PHKA2: variants seen among roughly 807,000 people sequenced by gnomAD.
PHKA2 encodes the protein phosphorylase kinase regulatory subunit alpha 2.
A neutral mutation model predicts 102.0 loss-of-function variants in PHKA2; 31 were observed. The ratio of observed to expected loss-of-function variants is 0.30; its 90% CI spans 0.23 to 0.41. The LOEUF (loss-of-function observed/expected upper bound fraction) is 0.41. Ranked by LOEUF, PHKA2 falls within the 10% of genes least tolerant of loss-of-function variation. The pLI is 1.00. For missense variants in PHKA2, 858 were observed against 1,023.1 expected (o/e 0.84, Z 2.20); for synonymous variants, 455 against 416.2 (o/e 1.09, Z -1.13).
chrX:18,901,690 CA>C (rs2047684947), intron 26 of PHKA2, 87 bp from the exon 27 acceptor site: 4 of 614,053 alleles, frequency 6.5e-6, no homozygotes, highest in African/African-American at 4.3e-5. Flanking sequence ...CCCCACTTGA[CA>C]ATGAGGGCCT....
chrX:18,978,069 A>T (rs914682245), intron 1 of PHKA2, among the ~76,000 whole-genome samples: 1 of 111,060 alleles, frequency 9.0e-6, no homozygotes, highest in South Asian at 3.8e-4. Flanking sequence ...AGGCAGGAGA[A>T]TTGCTTGAAC....
chrX:18,979,468 T>G (rs1448365235), intron 1 of PHKA2, among the ~76,000 whole-genome samples: 1 of 111,975 alleles, frequency 8.9e-6, no homozygotes, highest in African/African-American at 3.2e-5. Flanking sequence ...ATTTCATACT[T>G]AATACTTTTA....
At chrX:18,931,223 G>C (rs2048309888) in intron 12 of PHKA2, among the ~76,000 whole-genome samples, 1 of 112,246 alleles carries the variant, frequency 8.9e-6, no homozygotes, top group African/African-American at 3.2e-5. Context: ...TCTTTCTGTA[G>C]AGATCTGTGG....
At chrX:18,947,875 T>A (rs1224078807) in intron 5 of PHKA2, among the ~76,000 whole-genome samples, 1 of 112,038 alleles carries the variant, frequency 8.9e-6, no homozygotes, top group Non-Finnish European at 1.9e-5. Context: ...CTGGAGACTG[T>A]TATTCTAAGT....
Position 18,910,906 on chromosome X carries a change from T to G in PHKA2, c.2192A>C (p.Asn731Thr), listed in dbSNP as rs1426078397. 8.4e-7 allele frequency: 1 copy of G among 1,194,397 alleles called. No homozygotes were observed. Among genetic ancestry groups the G allele is most frequent in the Admixed American group, 2.2e-5 (1 of 45,734 alleles). ...KVLSAHRKSL[N>T]LVDSPQPLLE... is the part of the protein sequence containing the mutation. ...GAGTGGCTGAGGAGAATCAACAAGA[T>G]TCAGTGATTTACGGTGGGCACTTAG... Residue 731 changes from asparagine to threonine, a missense_variant, in exon 20 of 33, where the codon AAT (asparagine) becomes ACT (threonine). Physicochemically the swap from Asn to Thr is moderately conservative, Grantham distance 65. Around this residue, in one of 2 missense-constraint regions of PHKA2, gnomAD observed 671 missense variants for 745.2 expected, o/e 0.90. Transcript: ENST00000379942.
At chrX:18,902,073 C>T (rs1266723621) in intron 26 of PHKA2, among the ~76,000 whole-genome samples, 1 of 111,168 alleles carries the variant, frequency 9.0e-6, no homozygotes, top group East Asian at 2.8e-4. Flanking sequence ...AAACTCCTGA[C>T]CTTGTGATCC....
chrX:18,947,026 G>T (rs1244892288), intron 5 of PHKA2, among the ~76,000 whole-genome samples: 3 of 111,086 alleles, frequency 2.7e-5, no homozygotes, highest in Non-Finnish European at 5.7e-5. Context: ...ATTGCCTCTC[G>T]TTGGGAATCA....
In PHKA2 at chrX:18,938,710, G is replaced by A; in HGVS notation, c.958C>T (p.Leu320Phe). 8.3e-7 allele frequency: 1 copy of A among 1,204,934 alleles called. No individual in the cohort carries two copies. The highest frequency in any genetic ancestry group is 1.1e-6 in the Non-Finnish European group (1 of 889,056). Residue 320 changes from leucine to phenylalanine, a missense_variant, in exon 10 of 33, where the codon CTC becomes TTC. Physicochemically the swap from Leu to Phe is conservative, Grantham distance 22. Around this residue, in one of 2 missense-constraint regions of PHKA2, gnomAD observed 187 missense variants for 277.9 expected, o/e 0.67. Transcript: ENST00000379942. Reference protein sequence around the residue: ...RLHYDPAELKLFENIECEWPV... With the variant: ...RLHYDPAELKFFENIECEWPV... ...CACTCACATTCAATGTTTTCGAAGA[G>A]CTTGAGTTCAGCAGGGTCATAATGC... is the stretch of plus-strand genomic sequence containing the variant.
At chrX:18,916,590 G>C (rs1433666995) in intron 19 of PHKA2, among the ~76,000 whole-genome samples, 2 of 112,023 alleles carry the variant, frequency 1.8e-5, no homozygotes, top group Non-Finnish European at 3.8e-5. Context: ...CATCCCCTTG[G>C]TGATAAGTGA....
chrX:18,904,990 C>T (rs1230830019), intron 26 of PHKA2, among the ~76,000 whole-genome samples: 4 of 111,368 alleles, frequency 3.6e-5, no homozygotes, highest in Admixed American at 9.5e-5. Context: ...ACAGAGTGAG[C>T]GAGGCAGGAC....
At chrX:18,910,226 T>A (rs1175074526) in intron 20 of PHKA2, among the ~76,000 whole-genome samples, 1 of 112,677 alleles carries the variant, frequency 8.9e-6, no homozygotes, top group East Asian at 2.8e-4. Context: ...GCGCCTGTAA[T>A]CCCAGCACTT....
intron 9 of PHKA2, 126 bp downstream of exon 9, chrX:18,939,869 C>T (rs894979251): frequency 1.7e-6 from 1 of 598,005 alleles, no homozygotes; most frequent in Non-Finnish European, 2.9e-6. Context: ...CTTGCTGACT[C>T]CAAAATTAAT....
chrX:18,893,732 G>C lies in PHKA2; in HGVS notation c.3538-77C>G, dbSNP rs977424893. 7.6e-6 allele frequency: 7 copies of C among 918,032 alleles called. No homozygotes were observed. In the East Asian group the frequency reaches 1.8e-4, roughly 24 times the overall value. 75.7% of individuals were successfully genotyped at this position (918,032 alleles called of 1,213,427 possible). On this transcript the variant is annotated intron_variant, in intron 32 of 32. Coordinates refer to ENST00000379942, the MANE Select transcript of PHKA2 (RefSeq NM_000292.3). Reference sequence around the variant, plus strand: ...CACGCTTCTGCGTGGTGGTGGCAGCGGGTCAACATGGGCAGGGGTGAGGGT... The same window carrying C: ...CACGCTTCTGCGTGGTGGTGGCAGCCGGTCAACATGGGCAGGGGTGAGGGT...
rs186524205 is a variant in PHKA2 at position 18,943,085 on chromosome X, T to C, written c.717+625A>G. 5.6e-3 allele frequency among the ~76,000 whole-genome samples: 624 copies of C among 111,568 alleles called. 3 individuals carry two copies. Among genetic ancestry groups the C allele is most frequent in the African/African-American group, 0.019 (591 of 30,701 alleles). On this transcript the variant is annotated intron_variant, in intron 7 of 32. Coordinates refer to ENST00000379942, the MANE Select transcript of PHKA2 (RefSeq NM_000292.3). The stretch of plus-strand genomic sequence containing the variant: ...AAAGCTCTCCATTCACAAGTCTTTA[T>C]GTATCTGACCTTCTTTAGCCCCAGC...
intron 12 of PHKA2, among the ~76,000 whole-genome samples, chrX:18,930,985 T>C (rs1255145430): frequency 9.0e-6 from 1 of 111,482 alleles, no homozygotes; most frequent in Non-Finnish European, 1.9e-5. Context: ...GGCAGGACCC[T>C]CTCAGGAACG....
chrX:18,973,678 C>A (rs925444668), intron 1 of PHKA2, among the ~76,000 whole-genome samples: 2 of 112,013 alleles, frequency 1.8e-5, no homozygotes, highest in African/African-American at 3.2e-5. Context: ...TAGGGATTAT[C>A]TGTTAATCCC....
chrX:18,924,969 G>A (rs774885314), intron 15 of PHKA2, among the ~76,000 whole-genome samples: 1 of 112,272 alleles, frequency 8.9e-6, no homozygotes, highest in East Asian at 2.8e-4. Context: ...GCTGCCTGAT[G>A]TTGAGAACAA....
At chrX:18,896,989 T>C (rs994870897) in intron 30 of PHKA2, among the ~76,000 whole-genome samples, 174 bp downstream of exon 30, 4 of 111,445 alleles carry the variant, frequency 3.6e-5, no homozygotes, top group African/African-American at 1.3e-4. Flanking sequence ...GCTGTAGACA[T>C]CCTACCACGC....
At chrX:18,956,398 C>T (rs186400080) in intron 1 of PHKA2, among the ~76,000 whole-genome samples, 17 of 111,839 alleles carry the variant, frequency 1.5e-4, no homozygotes, top group Non-Finnish European at 3.0e-4. Flanking sequence ...AGGGAAACAT[C>T]AGGAGACCCA....
Sources: allele counts gnomAD v4.1 joint callset (sites outside exome capture counted in the v4.1 genomes callset), GRCh38; gene constraint gnomAD v4.1.1; regional missense constraint gnomAD v4.1.1; transcripts MANE v1.5; gene names NCBI Gene and HGNC (gene_info 2026-07-23, HGNC 2026-07-21).